Variants in REG4 observed in about 807,000 individuals in gnomAD.
The protein encoded by REG4 is regenerating family member 4, also known as regenerating islet-derived protein 4.
A neutral mutation model predicts 22.3 loss-of-function variants in REG4; 16 were observed. The observed-to-expected ratio is 0.72, with a 90% CI of 0.49 to 1.09. The LOEUF (loss-of-function observed/expected upper bound fraction) is 1.09. REG4 is among the 50% of genes least tolerant of loss of function. The probability of loss-of-function intolerance (pLI) is 0.00; values close to 1 mark genes in which losing one functional copy is unlikely to be tolerated. For synonymous variants in REG4, 71 were observed against 69.2 expected, an observed-to-expected ratio of 1.03 and a Z score of -0.13; for missense variants, 214 against 193.9, an observed-to-expected ratio of 1.10 and a Z score of -0.61.
chr1:119,806,582 A>T (rs1393909875), intron 2 of REG4, among the ~76,000 whole-genome samples: 1 of 152,158 alleles, frequency 6.6e-6, no homozygotes, highest in African/African-American at 2.4e-5. Context: ...AACCATTTCC[A>T]TTGTACAGAG....
chr1:119,802,319 A>G (rs1654134537), intron 3 of REG4: 1 of 985,038 alleles, frequency 1.0e-6, no homozygotes, highest in Non-Finnish European at 1.2e-6. Flanking sequence ...AGGCGGGAGA[A>G]TACCTTCATA....
At chr1:119,799,060 C>T (rs1373900662) in intron 4 of REG4, among the ~76,000 whole-genome samples, 1 of 151,984 alleles carries the variant, frequency 6.6e-6, no homozygotes, top group Non-Finnish European at 1.5e-5. Flanking sequence ...AGAGGTTGAA[C>T]GAATGTGTGG....
chr1:119,803,228 A>T, intron 2 of REG4, 63 bp from the exon 3 acceptor site: 1 of 1,465,736 alleles, frequency 6.8e-7, no homozygotes, highest in Non-Finnish European at 9.0e-7. Flanking sequence ...CCCAGACTTG[A>T]TACAGTTTGC....
intron 1 of REG4, among the ~76,000 whole-genome samples, chr1:119,811,052 A>AAAAAAC (rs879454324): frequency 3.4e-4 from 52 of 152,244 alleles, no homozygotes; most frequent in East Asian, 7.7e-4. Flanking sequence ...AGACTCCATA[A>AAAAAAC]AAAAACAAAA....
At chr1:119,797,298 A>C (rs1653962192) in intron 5 of REG4, among the ~76,000 whole-genome samples, 1 of 152,094 alleles carries the variant, frequency 6.6e-6, no homozygotes. Context: ...TCTGCCTTGA[A>C]CAGCAGCAGC....
intron 2 of REG4, 82 bp from the exon 3 acceptor site, chr1:119,803,247 A>G: frequency 7.2e-7 from 1 of 1,388,194 alleles, no homozygotes; most frequent in Non-Finnish European, 9.5e-7. Context: ...GCAATCAGGA[A>G]CCCCTTGAAT....
At chr1:119,799,296 T>G (rs1166719999) in intron 4 of REG4, among the ~76,000 whole-genome samples, 2 of 151,650 alleles carry the variant, frequency 1.3e-5, no homozygotes, top group African/African-American at 4.9e-5. Context: ...ACATCAAGGA[T>G]AACATAAAAA....
At chr1:119,802,572 G>T (rs587694316) in intron 3 of REG4, 5 of 1,173,638 alleles carry the variant, frequency 4.3e-6, no homozygotes, top group Admixed American at 4.5e-5. Flanking sequence ...AAGCTTCAAC[G>T]AAATAAAATG....
chr1:119,797,630 C>T (rs763722811), intron 5 of REG4, among the ~76,000 whole-genome samples: 1 of 152,192 alleles, frequency 6.6e-6, no homozygotes, highest in Non-Finnish European at 1.5e-5. Flanking sequence ...CTCAAGTATA[C>T]GACCTTTGGC....
intron 2 of REG4, among the ~76,000 whole-genome samples, chr1:119,808,186 C>T (rs1654382561): frequency 6.6e-6 from 1 of 152,222 alleles, no homozygotes; most frequent in Non-Finnish European, 1.5e-5. Context: ...CACTGTTCCT[C>T]CCCTGCTTTC....
intron 5 of REG4, among the ~76,000 whole-genome samples, chr1:119,796,573 T>C (rs1441013): frequency 0.41 from 62,339 of 151,972 alleles, 13,803 homozygotes; most frequent in East Asian, 0.77. Context: ...TTAAAAAAAA[T>C]AGAAACTGAG....
Position 119,794,628 on chromosome 1 carries a change from T to A in REG4, c.467A>T (p.Tyr156Phe). 10 of 1,614,136 alleles carry A rather than the reference T, an allele frequency of 6.2e-6. No homozygotes were observed. The Middle Eastern group carries it at 1.6e-3, about 266-fold the overall frequency. Residue 156 changes from tyrosine to phenylalanine, a missense_variant, in exon 6 of 6, where the codon TAC becomes TTC. Tyr to Phe is a conservative substitution (Grantham distance 22). Transcript: ENST00000256585. ...CNKRQHFLCK[Y>F]RP ...ATCTTGATTCTTGCTCTATGGTCGG[T>A]ACTTGCACAGGAAGTGTTGGCGCTT...
rs1653852811 is a variant in REG4, at chr1:119,794,030, T to G, written c.*588A>C. 6.1e-6 allele frequency: 3 copies of G among 494,234 alleles called. No homozygotes were observed. The highest frequency in any genetic ancestry group is 1.3e-5 in the Non-Finnish European group (3 of 237,566). The allele number at this position is 494,234 out of a possible 1,614,324, so 30.6% of individuals were successfully genotyped here. A position where few individuals can be genotyped will look rare whatever the true frequency, so the allele number is the denominator to read the frequency against. ...ACGAAGAAGCACTTGGGTGTATTTC[T>G]TGGTCTTATTTCACTTTTCCACATT... On this transcript the variant is annotated 3_prime_UTR_variant, in exon 6 of 6. Transcript: ENST00000256585.
intron 5 of REG4, among the ~76,000 whole-genome samples, chr1:119,798,019 T>C (rs1169268060): frequency 6.6e-6 from 1 of 152,052 alleles, no homozygotes. Context: ...GCCACCACAT[T>C]CTGGGGACAG....
intron 3 of REG4, among the ~76,000 whole-genome samples, chr1:119,800,765 G>A (rs1473099096): frequency 2.6e-5 from 4 of 152,154 alleles, no homozygotes; most frequent in Admixed American, 1.3e-4. Flanking sequence ...ACTGCTCCCC[G>A]TGCTGGTGTA....
At chr1:119,809,671 G>A (rs983105241) in intron 1 of REG4, among the ~76,000 whole-genome samples, 5 of 152,066 alleles carry the variant, frequency 3.3e-5, no homozygotes, top group African/African-American at 1.2e-4. Flanking sequence ...TAACTTTCAT[G>A]CATTTTTTAT....
chr1:119,796,153 G>A (rs10802137), intron 5 of REG4, among the ~76,000 whole-genome samples: 62,169 of 152,016 alleles, frequency 0.41, 13,762 homozygotes, highest in East Asian at 0.77. Context: ...CTTTTTATAA[G>A]GAGGCATTTG....
chr1:119,809,768 A>G (rs938873991), intron 1 of REG4, among the ~76,000 whole-genome samples: 15 of 152,278 alleles, frequency 9.9e-5, no homozygotes, highest in Middle Eastern at 6.8e-3. Context: ...GTTAAAATGT[A>G]TGGGCTGTGA....
chr1:119,806,076 C>T (rs779082569), intron 2 of REG4, among the ~76,000 whole-genome samples: 10 of 152,246 alleles, frequency 6.6e-5, no homozygotes, highest in Non-Finnish European at 1.3e-4. Flanking sequence ...GGACTACAGG[C>T]GAGCACCACT....
Sources: allele counts gnomAD v4.1 joint callset (sites outside exome capture counted in the v4.1 genomes callset), GRCh38; gene constraint gnomAD v4.1.1; transcripts MANE v1.5; gene names NCBI Gene and HGNC (gene_info 2026-07-23, HGNC 2026-07-21).